Variants in RUNX2 observed in about 807,000 individuals in gnomAD.
The protein encoded by RUNX2 is runt-related transcription factor 2.
A neutral mutation model predicts 51.7 loss-of-function variants in RUNX2; 10 were observed. The observed-to-expected ratio is 0.19, with a 90% confidence interval of 0.12 to 0.33. The LOEUF is 0.33. RUNX2 is among the 10% of genes least tolerant of loss of function. The pLI, the probability that RUNX2 is intolerant of heterozygous loss-of-function variation, is 1.00. For synonymous variants in RUNX2, 276 were observed against 273.6 expected (o/e 1.01, Z -0.09); for missense variants, 562 against 691.3 (o/e 0.81, Z 2.10).
intron 4 of RUNX2, among the ~76,000 whole-genome samples, chr6:45,437,580 T>C (rs936873423): frequency 4.6e-5 from 7 of 152,190 alleles, no homozygotes; most frequent in Non-Finnish European, 8.8e-5. Flanking sequence ...AAATAAAGAC[T>C]TCTAAAATTG....
At chr6:45,394,233 T>A (rs1022127613) in intron 2 of RUNX2, among the ~76,000 whole-genome samples, 11 of 152,092 alleles carry the variant, frequency 7.2e-5, no homozygotes, top group Non-Finnish European at 1.6e-4. Context: ...AGATCTCACA[T>A]GAACTCAGAG....
intron 5 of RUNX2, among the ~76,000 whole-genome samples, chr6:45,466,729 T>C (rs1401403753): frequency 6.6e-6 from 1 of 152,240 alleles, no homozygotes. Flanking sequence ...CTATTTCCAT[T>C]AAACAGATTT....
rs1279471502 is a variant in RUNX2 at position 45,520,302 on chromosome 6, C to T, written c.1021+7895C>T. 2.0e-5 allele frequency among the ~76,000 whole-genome samples: 3 copies of T among 152,124 alleles called. No individual in the cohort carries two copies. The East Asian group carries it at 5.8e-4, about 29-fold the overall frequency. On this transcript the variant is annotated intron_variant, in intron 7 of 8. Coordinates refer to ENST00000647337, the MANE Select transcript of RUNX2 (RefSeq NM_001024630.4). ...ATGTTTTCTATCATAGCAATTGTCA[C>T]CAAATGGTTTTCTGTATCTTGGGTG...
At chr6:45,328,566 A>C in intron 1 of RUNX2, 95 bp from the exon 2 acceptor site, 1 of 1,580,878 alleles carries the variant, frequency 6.3e-7, no homozygotes, top group South Asian at 1.1e-5. Flanking sequence ...TACCAGCTAC[A>C]TAATTTCTTG....
At chr6:45,381,555 G>C (rs1225100485) in intron 2 of RUNX2, among the ~76,000 whole-genome samples, 2 of 151,920 alleles carry the variant, frequency 1.3e-5, no homozygotes, top group Non-Finnish European at 2.9e-5. Context: ...AGCCTCCTCA[G>C]TAGCTGGGAC....
intron 7 of RUNX2, among the ~76,000 whole-genome samples, chr6:45,514,530 A>G: frequency 6.6e-6 from 1 of 152,194 alleles, no homozygotes; most frequent in East Asian, 1.9e-4. Flanking sequence ...TGGTAAAGTA[A>G]CATGGTGCCA....
At chr6:45,423,854 G>A (rs1465767831) in intron 3 of RUNX2, among the ~76,000 whole-genome samples, 1 of 152,204 alleles carries the variant, frequency 6.6e-6, no homozygotes, top group Non-Finnish European at 1.5e-5. Context: ...CCAGGGGACG[G>A]GGCGGGAGCT....
At chr6:45,546,718 C>T (rs1802411858) in intron 8 of RUNX2, 109 bp from the exon 9 acceptor site, 3 of 962,954 alleles carry the variant, frequency 3.1e-6, no homozygotes, top group Non-Finnish European at 4.9e-6. Context: ...GCTTGCTGTT[C>T]CTTTATGGGA....
intron 5 of RUNX2, among the ~76,000 whole-genome samples, chr6:45,484,932 G>A (rs1800223460): frequency 6.6e-6 from 1 of 152,184 alleles, no homozygotes; most frequent in African/African-American, 2.4e-5. Flanking sequence ...TCTGATGCAA[G>A]TCCTCTCCTC....
intron 5 of RUNX2, among the ~76,000 whole-genome samples, chr6:45,464,589 A>G (rs1202691728): frequency 1.3e-5 from 2 of 152,140 alleles, no homozygotes; most frequent in Admixed American, 1.3e-4. Flanking sequence ...TTTACTCTCT[A>G]CAGAGCTGGA....
chr6:45,530,600 C>T (rs59695096), intron 7 of RUNX2, among the ~76,000 whole-genome samples: 15,663 of 152,216 alleles, frequency 0.1, 992 homozygotes, highest in Non-Finnish European at 0.15. Context: ...TGCTGCTGGT[C>T]ATCCAAGAGA....
At position 45,547,316 on chromosome 6, in the gene RUNX2, C is replaced by T; in HGVS notation, c.*11C>T. ...TGGCGACCATATTGAAATTCCTCAG[C>T]AGTGGCCCAGTGGTATCTGGGGGCC... On this transcript the variant is annotated 3_prime_UTR_variant, in exon 9 of 9. Coordinates refer to ENST00000647337, the MANE Select transcript of RUNX2 (RefSeq NM_001024630.4). The T allele has an allele frequency of 6.3e-7, 1 of 1,596,658 alleles. No homozygotes were observed. Among genetic ancestry groups the T allele is most frequent in the Non-Finnish European group, 8.6e-7 (1 of 1,164,450 alleles).
At chr6:45,337,705 AC>A (rs1788870451) in intron 2 of RUNX2, among the ~76,000 whole-genome samples, 2 of 151,890 alleles carry the variant, frequency 1.3e-5, no homozygotes, top group African/African-American at 4.8e-5. Context: ...AATATGATAC[AC>A]TTCTAGAAGC....
intron 7 of RUNX2, among the ~76,000 whole-genome samples, chr6:45,519,828 G>C (rs1801447637): frequency 6.9e-6 from 1 of 145,688 alleles, no homozygotes; most frequent in African/African-American, 2.6e-5. Flanking sequence ...GTGTGTGTGT[G>C]TGTGTGTGTA....
At chr6:45,356,453 A>G (rs1055236964) in intron 2 of RUNX2, among the ~76,000 whole-genome samples, 2 of 151,878 alleles carry the variant, frequency 1.3e-5, no homozygotes, top group African/African-American at 4.8e-5. Context: ...GCTGGAGTGC[A>G]GTGGCGCAAT....
At chr6:45,334,471 A>G (rs1471902421) in intron 2 of RUNX2, among the ~76,000 whole-genome samples, 2 of 139,436 alleles carry the variant, frequency 1.4e-5, no homozygotes, top group African/African-American at 5.1e-5. Flanking sequence ...AAAAAAAAAG[A>G]CAAAGTTAAA....
intron 7 of RUNX2, among the ~76,000 whole-genome samples, chr6:45,542,698 AT>A (rs1278301249): frequency 1.3e-5 from 2 of 152,230 alleles, no homozygotes; most frequent in Admixed American, 1.3e-4. Flanking sequence ...ATTTTGAGAT[AT>A]TTTGAGTATT....
chr6:45,470,876 A>T (rs1461128974), intron 5 of RUNX2, among the ~76,000 whole-genome samples: 2 of 152,164 alleles, frequency 1.3e-5, no homozygotes, highest in Non-Finnish European at 2.9e-5. Context: ...AGGGCAAAAA[A>T]GTTTCCATAG....
intron 5 of RUNX2, among the ~76,000 whole-genome samples, chr6:45,446,350 T>A (rs923541566): frequency 6.6e-6 from 1 of 152,234 alleles, no homozygotes; most frequent in Non-Finnish European, 1.5e-5. Context: ...TCAAGTGATA[T>A]GTGTTCTAAA....
Sources: gnomAD v4.1 joint callset for allele counts (sites outside exome capture counted in the v4.1 genomes callset) on GRCh38, gnomAD v4.1.1 for gene constraint, MANE v1.5 for transcripts, NCBI Gene and HGNC (gene_info 2026-07-23, HGNC 2026-07-21) for gene names.